Variants in N4BP2L1 observed in about 807,000 individuals in gnomAD.
The protein encoded by N4BP2L1 is NEDD4-binding protein 2-like 1.
In N4BP2L1, 12 loss-of-function variants were observed where a neutral mutation model predicts 21.2. That is an observed-to-expected ratio of 0.57 (90% CI 0.36 to 0.92). The LOEUF (loss-of-function observed/expected upper bound fraction) is 0.92, where lower values mean the gene tolerates loss of function less well. N4BP2L1 is among the 40% of genes least tolerant of loss of function. The pLI is 0.01. For missense variants in N4BP2L1, 259 were observed against 310.6 expected (o/e 0.83, Z 1.25); for synonymous variants, 104 against 112.8 (o/e 0.92, Z 0.49).
chr13:32,413,216 T>A (rs12861808), intron 1 of N4BP2L1, among the ~76,000 whole-genome samples: 8 of 152,022 alleles, frequency 5.3e-5, no homozygotes, highest in Non-Finnish European at 1.0e-4. Flanking sequence ...ATGAGCCACC[T>A]CTCCTGGCCT....
intron 1 of N4BP2L1, chr13:32,419,262 T>C (rs2074320399): frequency 6.3e-6 from 1 of 159,728 alleles, no homozygotes; most frequent in Non-Finnish European, 1.3e-5. Context: ...TTTTTTTTTT[T>C]TGAGACAGAG....
At chr13:32,403,609 T>C (rs2073285924) in intron 4 of N4BP2L1, 1 of 487,016 alleles carries the variant, frequency 2.1e-6, no homozygotes, top group Non-Finnish European at 4.2e-6. Flanking sequence ...TCTTAAATTC[T>C]AGTGGGCAGA....
At position 32,401,532 on chromosome 13, in the gene N4BP2L1, A is replaced by T. The variant is rs192533748; in HGVS notation, c.*1410T>A. On this transcript the variant is annotated 3_prime_UTR_variant, in exon 5 of 5. Transcript: ENST00000380130. ...TGTCAGATAACGTTAAAACAGTCTC[A>T]TGTACACAGATCAAATATATAAGCA... is the stretch of plus-strand genomic sequence containing the variant. 1.8e-4 allele frequency: 28 copies of T among 152,378 alleles called. No homozygotes were observed. Among genetic ancestry groups the T allele is most frequent in the Non-Finnish European group, 2.9e-5 (2 of 68,028 alleles). 9.4% of individuals were successfully genotyped at this position (152,378 alleles called of 1,614,324 possible).
chr13:32,411,975 C>T (rs1018809305), intron 1 of N4BP2L1: 1 of 155,048 alleles, frequency 6.4e-6, no homozygotes, highest in Non-Finnish European at 1.4e-5. Flanking sequence ...CCAGTCTTCT[C>T]TCATGTCCTT....
Position 32,411,853 on chromosome 13 carries a change from G to A in N4BP2L1, c.180-4081C>T, listed in dbSNP as rs1020440069. The A allele has an allele frequency of 1.7e-5, 15 of 890,192 alleles. No homozygotes were observed. The Admixed American group carries it at 6.8e-4, about 40-fold the overall frequency. 55.1% of individuals were successfully genotyped at this position (890,192 alleles called of 1,614,324 possible). On this transcript the variant is annotated intron_variant, in intron 1 of 4. Coordinates refer to ENST00000380130, the MANE Select transcript of N4BP2L1 (RefSeq NM_052818.3). ...TCACTGAGAAAGTCAGACATTGCAT[G>A]TAATTTTAACTTGACGCCCAGTTTT...
At chr13:32,411,203 A>T (rs2137815061) in intron 1 of N4BP2L1, among the ~76,000 whole-genome samples, 1 of 152,316 alleles carries the variant, frequency 6.6e-6, no homozygotes, top group Admixed American at 6.5e-5. Flanking sequence ...ATGGCTCAGG[A>T]TCACTATGGG....
rs775266564 is a variant in N4BP2L1 at position 32,403,123 on chromosome 13, C to G, written c.551G>C (p.Ser184Thr). 2 of 1,614,106 alleles carry G rather than the reference C, an allele frequency of 1.2e-6. No homozygotes were observed. Among genetic ancestry groups the G allele is most frequent in the Non-Finnish European group, 1.7e-6 (2 of 1,180,014 alleles). ...GCTTGGCTTTTCTGCATGAAGCACA[C>G]TGTGAAAAGTAACATCGTGTTCATA... is the stretch of plus-strand genomic sequence containing the variant. ...ERYEHDVTFH[S>T]VLHAEKPSRM... Residue 184 changes from serine (S) to threonine (T), a missense_variant, in exon 5 of 5, where the codon AGT becomes ACT. Transcript: ENST00000380130.
At chr13:32,426,788 T>C (rs553114383) in intron 1 of N4BP2L1, among the ~76,000 whole-genome samples, 2 of 152,292 alleles carry the variant, frequency 1.3e-5, no homozygotes, top group Admixed American at 1.3e-4. Flanking sequence ...GGGTAAGACA[T>C]GGCTCCTACC....
rs534361206 is a variant in N4BP2L1 at position 32,404,553 on chromosome 13, T to C, written c.397-156A>G. Among the ~76,000 whole-genome samples, 3 of 151,308 alleles carry C rather than the reference T, an allele frequency of 2.0e-5. No homozygotes were observed. In the East Asian group the frequency reaches 5.8e-4, roughly 29 times the overall value. On this transcript the variant is annotated intron_variant, in intron 3 of 4. Transcript: ENST00000380130. ...ATTTATCACAATAAATGCAGTTGTT[T>C]CATTCCCATACTTAGCCACTCTCAT...
At chr13:32,408,040 T>C (rs1398163122) in intron 1 of N4BP2L1, among the ~76,000 whole-genome samples, 1 of 152,210 alleles carries the variant, frequency 6.6e-6, no homozygotes, top group Non-Finnish European at 1.5e-5. Context: ...CTGCCTTCTG[T>C]AGCGGCAAGA....
intron 1 of N4BP2L1, among the ~76,000 whole-genome samples, chr13:32,409,543 G>C (rs78885735): frequency 0.015 from 2,225 of 152,296 alleles, 63 homozygotes; most frequent in African/African-American, 0.051. Context: ...CAAATGCCAG[G>C]TGAAGCGTTA....
intron 1 of N4BP2L1, among the ~76,000 whole-genome samples, chr13:32,408,308 C>T (rs61324410): frequency 7.3e-4 from 111 of 152,258 alleles, no homozygotes; most frequent in African/African-American, 2.6e-3. Flanking sequence ...AAGTGATGCA[C>T]GTGCTCTACT....
intron 1 of N4BP2L1, among the ~76,000 whole-genome samples, chr13:32,422,865 GA>G (rs111351754): frequency 0.054 from 8,251 of 152,210 alleles, 743 homozygotes; most frequent in African/African-American, 0.19. Context: ...TTTCCAAGTA[GA>G]CCTAGATGAC....
At chr13:32,423,103 T>C (rs932648976) in intron 1 of N4BP2L1, among the ~76,000 whole-genome samples, 1 of 152,220 alleles carries the variant, frequency 6.6e-6, no homozygotes, top group African/African-American at 2.4e-5. Context: ...GTTCTCACTG[T>C]TTCTCACATT....
At chr13:32,428,222 C>G (rs544787019), upstream of N4BP2L1, 32 of 814,740 alleles carry the variant, frequency 3.9e-5, no homozygotes, top group African/African-American at 5.5e-4. Flanking sequence ...TCCTTTCCAC[C>G]CGCCGGAACC....
chr13:32,411,388 C>A (rs1311745047), intron 1 of N4BP2L1: 3 of 366,388 alleles, frequency 8.2e-6, no homozygotes, highest in Non-Finnish European at 3.8e-6. Context: ...TGTTTTATCT[C>A]CACCTAAATG....
At chr13:32,404,093 A>G (rs1034425106) in intron 4 of N4BP2L1, 13 of 1,488,668 alleles carry the variant, frequency 8.7e-6, no homozygotes, top group African/African-American at 1.4e-5. Flanking sequence ...CATCCTTTTA[A>G]AGGACCAAGT....
rs766652434 is a variant in N4BP2L1 at position 32,417,822 on chromosome 13, A to G, written c.180-10050T>C. Among the ~76,000 whole-genome samples the G allele has an allele frequency of 3.6e-4, 55 of 152,172 alleles. 1 individual carries two copies. Among genetic ancestry groups the G allele is most frequent in the Non-Finnish European group, 8.8e-5 (6 of 68,022 alleles). The stretch of plus-strand genomic sequence containing the variant: ...CTTACTGGGAACTGGAGTAAAGGTC[A>G]CTCTTGCTATGCAAAGAGACTGGTG... On this transcript the variant is annotated intron_variant, in intron 1 of 4. Transcript: ENST00000380130.
chr13:32,407,445 C>G, intron 2 of N4BP2L1, 107 bp from the exon 3 acceptor site: 1 of 1,592,700 alleles, frequency 6.3e-7, no homozygotes, highest in Non-Finnish European at 8.5e-7. Flanking sequence ...ATCTCCTCAT[C>G]ACACAACTTC....
Sources: gnomAD v4.1 joint callset for allele counts (sites outside exome capture counted in the v4.1 genomes callset) on GRCh38, gnomAD v4.1.1 for gene constraint, MANE v1.5 for transcripts, NCBI Gene and HGNC (gene_info 2026-07-23, HGNC 2026-07-21) for gene names.